FERRY3: variants seen among roughly 807,000 people sequenced by gnomAD.
FERRY3 encodes protein C12orf4.
chr12:4,528,986 C>G, the FERRY3 span, among the ~76,000 whole-genome samples: 2 of 151,336 alleles, frequency 1.3e-5, no homozygotes, highest in East Asian at 3.9e-4. Flanking sequence ...CAAAGCAACA[C>G]TAAAACTATT....
the FERRY3 span, among the ~76,000 whole-genome samples, chr12:4,531,094 C>G: frequency 6.6e-6 from 1 of 152,132 alleles, no homozygotes; most frequent in South Asian, 2.1e-4. Flanking sequence ...AAACAGCTAT[C>G]TTGAACTCAG....
the FERRY3 span, among the ~76,000 whole-genome samples, chr12:4,515,201 G>GTAGA: frequency 6.6e-6 from 1 of 152,138 alleles, no homozygotes; most frequent in Non-Finnish European, 1.5e-5. Flanking sequence ...CTTCCTATGT[G>GTAGA]TAGATAGAAA....
the FERRY3 span, among the ~76,000 whole-genome samples, chr12:4,515,846 A>C: frequency 6.6e-6 from 1 of 152,194 alleles, no homozygotes; most frequent in South Asian, 2.1e-4. Context: ...TGAGGTAATA[A>C]ATATGCTAAT....
the FERRY3 span, chr12:4,509,462 AAGAC>A: frequency 6.6e-6 from 1 of 150,906 alleles, no homozygotes; most frequent in Non-Finnish European, 1.5e-5. Context: ...GACAAACAAA[AAGAC>A]AGCAGCAACC....
the FERRY3 span, among the ~76,000 whole-genome samples, chr12:4,529,466 G>A: frequency 1.7e-3 from 254 of 152,122 alleles, 1 homozygote; most frequent in African/African-American, 5.9e-3. Context: ...GCATGCCCTT[G>A]GACAAGTTAC....
At chr12:4,515,060 C>T in the FERRY3 span, among the ~76,000 whole-genome samples, 2 of 152,020 alleles carry the variant, frequency 1.3e-5, no homozygotes, top group South Asian at 2.1e-4. Flanking sequence ...TGCACATGTA[C>T]CCTAAAACTT....
At chr12:4,493,631 A>G in the FERRY3 span, among the ~76,000 whole-genome samples, 1 of 152,214 alleles carries the variant, frequency 6.6e-6, no homozygotes, top group Non-Finnish European at 1.5e-5. Context: ...TTTGGCTTCA[A>G]AGTTCACAGA....
the FERRY3 span, among the ~76,000 whole-genome samples, chr12:4,510,082 G>A: frequency 4.3e-5 from 6 of 140,190 alleles, no homozygotes; most frequent in African/African-American, 6.0e-5. Flanking sequence ...CAAGGCTCGA[G>A]ATCTACGTGA....
the FERRY3 span, chr12:4,525,257 A>G: frequency 9.9e-6 from 16 of 1,613,092 alleles, no homozygotes; most frequent in Non-Finnish European, 1.2e-5. Flanking sequence ...TTAATACCTA[A>G]GGGAGCTGTT....
the FERRY3 span, among the ~76,000 whole-genome samples, chr12:4,495,457 T>G: frequency 6.6e-6 from 1 of 152,168 alleles, no homozygotes; most frequent in Non-Finnish European, 1.5e-5. Context: ...ATGATTAGCC[T>G]TGAATTATTT....
At chr12:4,525,051 C>T in the FERRY3 span, 1 of 533,094 alleles carries the variant, frequency 1.9e-6, no homozygotes. Flanking sequence ...AGTTCTATTT[C>T]AAACTAACCA....
chr12:4,534,300 A>G, the FERRY3 span: 1 of 1,607,274 alleles, frequency 6.2e-7, no homozygotes, highest in South Asian at 1.1e-5. Context: ...GCTTCTTTTA[A>G]GTCTGTTACA....
the FERRY3 span, among the ~76,000 whole-genome samples, chr12:4,508,716 C>A: frequency 6.6e-6 from 1 of 151,640 alleles, no homozygotes; most frequent in Non-Finnish European, 1.5e-5. Flanking sequence ...TGCATTCCAG[C>A]CTAGATGACA....
At chr12:4,526,572 T>C in the FERRY3 span, among the ~76,000 whole-genome samples, 1 of 152,192 alleles carries the variant, frequency 6.6e-6, no homozygotes, top group Non-Finnish European at 1.5e-5. Flanking sequence ...CCAGGCGCGA[T>C]GGCTCATGCC....
chr12:4,535,993 C>T, the FERRY3 span: 2 of 1,490,248 alleles, frequency 1.3e-6, 1 homozygote. The surrounding 1 kb of genome is among the most constrained non-coding windows in gnomAD (Gnocchi z 4.0). Flanking sequence ...AGTGGTGTTA[C>T]TTAAAAAAAA....
At chr12:4,519,161 A>C in the FERRY3 span, among the ~76,000 whole-genome samples, 1 of 152,220 alleles carries the variant, frequency 6.6e-6, no homozygotes, top group African/African-American at 2.4e-5. This position sits in a 1 kb window ranked among gnomAD's most constrained non-coding sequence, Gnocchi z 4.3. Context: ...GCAGCCTAAG[A>C]GAATGATTAA....
At chr12:4,532,592 G>A in the FERRY3 span, among the ~76,000 whole-genome samples, 8 of 152,110 alleles carry the variant, frequency 5.3e-5, no homozygotes, top group Admixed American at 2.0e-4. Context: ...AACTCAGTCC[G>A]TCAGTATTCA....
chr12:4,503,880 A>G, the FERRY3 span, among the ~76,000 whole-genome samples: 1 of 152,228 alleles, frequency 6.6e-6, no homozygotes, highest in Non-Finnish European at 1.5e-5. Context: ...AAAAAAACAG[A>G]TATTAGTTCT....
the FERRY3 span, chr12:4,500,457 C>A: frequency 1.2e-6 from 1 of 840,046 alleles, no homozygotes; most frequent in African/African-American, 1.7e-5. Flanking sequence ...GGGGTGTATC[C>A]CAAACATTTA....
Sources: gnomAD v4.1 joint callset for allele counts (sites outside exome capture counted in the v4.1 genomes callset) on GRCh38, gnomAD v4.1.1 for gene constraint, Gnocchi (gnomAD v3.1) non-coding constraint, MANE v1.5 for transcripts, NCBI Gene and HGNC (gene_info 2026-07-23, HGNC 2026-07-21) for gene names.